NXPE2: variants seen among roughly 807,000 people sequenced by gnomAD.
NXPE2 encodes neurexophilin and PC-esterase domain family member 2.
Under a neutral mutation model 34.4 loss-of-function variants are expected in NXPE2, and 34 were observed. That is an observed-to-expected ratio of 0.99 (90% CI 0.75 to 1.31). NXPE2 has a LOEUF of 1.31. NXPE2 is among the 40% of genes most tolerant of loss of function. NXPE2 has a pLI of 0.00. For synonymous variants in NXPE2, 235 were observed against 231.3 expected (o/e 1.02, Z -0.15); for missense variants, 649 against 672.5 (o/e 0.97, Z 0.39).
the NXPE2 span, among the ~76,000 whole-genome samples, chr11:114,500,507 C>T: frequency 6.6e-6 from 1 of 152,176 alleles, no homozygotes; most frequent in South Asian, 2.1e-4. Context: ...GTGTTCTCCA[C>T]ATATTCTGGA....
chr11:114,531,152 A>C, the NXPE2 span, among the ~76,000 whole-genome samples: 56 of 151,894 alleles, frequency 3.7e-4, no homozygotes, highest in Non-Finnish European at 7.1e-4. Context: ...AAATTGTGAT[A>C]ATTTTGTATA....
the NXPE2 span, among the ~76,000 whole-genome samples, chr11:114,616,061 C>A: frequency 2.7e-5 from 4 of 150,600 alleles, no homozygotes; most frequent in African/African-American, 7.4e-5. Context: ...ATAAGTATTG[C>A]CTCATGGGTA....
chr11:114,575,739 T>A, the NXPE2 span, among the ~76,000 whole-genome samples: 1 of 152,170 alleles, frequency 6.6e-6, no homozygotes, highest in South Asian at 2.1e-4. Context: ...TGCTCATGGA[T>A]GGGTAGAATA....
chr11:114,538,747 CCA>C, the NXPE2 span, among the ~76,000 whole-genome samples: 1 of 152,014 alleles, frequency 6.6e-6, no homozygotes, highest in South Asian at 2.1e-4. Context: ...CCATCTCACA[CCA>C]GTTAGAATGG....
the NXPE2 span, among the ~76,000 whole-genome samples, chr11:114,564,600 G>T: frequency 6.6e-6 from 1 of 152,150 alleles, no homozygotes; most frequent in African/African-American, 2.4e-5. Flanking sequence ...ACAGAGAGGG[G>T]GTGGTTGAGT....
At chr11:114,530,140 G>A in the NXPE2 span, 2 of 1,549,894 alleles carry the variant, frequency 1.3e-6, no homozygotes, top group African/African-American at 2.7e-5. Context: ...ACTTCTCAGG[G>A]GACACTTCTC....
At chr11:114,519,356 A>G in the NXPE2 span, among the ~76,000 whole-genome samples, 1 of 152,142 alleles carries the variant, frequency 6.6e-6, no homozygotes, top group Non-Finnish European at 1.5e-5. Flanking sequence ...TAGATTCTGG[A>G]GCTTTCTAAA....
the NXPE2 span, among the ~76,000 whole-genome samples, chr11:114,779,393 C>T: frequency 6.7e-6 from 1 of 149,072 alleles, no homozygotes; most frequent in African/African-American, 2.5e-5. Context: ...CTCAGGTGCA[C>T]CTGGGAAGGG....
chr11:114,693,387 T>C (rs1951188704), intron 2 of NXPE2, among the ~76,000 whole-genome samples: 1 of 152,142 alleles, frequency 6.6e-6, no homozygotes, highest in East Asian at 1.9e-4. Flanking sequence ...CAACTCTGAG[T>C]TTAGCATGTG....
the NXPE2 span, chr11:114,570,926 CT>C: frequency 1.5e-5 from 23 of 1,541,304 alleles, no homozygotes; most frequent in South Asian, 2.8e-4. Flanking sequence ...GAATTTCAGA[CT>C]TTTGTGTTAT....
the NXPE2 span, among the ~76,000 whole-genome samples, chr11:114,782,556 C>T: frequency 6.6e-6 from 1 of 152,182 alleles, no homozygotes; most frequent in African/African-American, 2.4e-5. Flanking sequence ...TATGAAGACT[C>T]CAGGAGAGAT....
the NXPE2 span, among the ~76,000 whole-genome samples, chr11:114,765,357 T>C: frequency 6.6e-6 from 1 of 152,232 alleles, no homozygotes; most frequent in Non-Finnish European, 1.5e-5. Flanking sequence ...ACAGGTGCCA[T>C]TTTTCCAACA....
the NXPE2 span, among the ~76,000 whole-genome samples, chr11:114,595,398 G>T: frequency 3.3e-5 from 5 of 151,870 alleles, no homozygotes; most frequent in African/African-American, 1.2e-4. Flanking sequence ...TTTTAACTTG[G>T]AACTTTAAAC....
At chr11:114,744,858 A>T in the NXPE2 span, among the ~76,000 whole-genome samples, 1 of 152,218 alleles carries the variant, frequency 6.6e-6, no homozygotes, top group Admixed American at 6.5e-5. Flanking sequence ...AGGCATGTTT[A>T]TCATTACAAT....
the NXPE2 span, among the ~76,000 whole-genome samples, chr11:114,620,164 A>G: frequency 6.7e-6 from 1 of 149,262 alleles, no homozygotes; most frequent in East Asian, 2.0e-4. Flanking sequence ...GATGATAAAT[A>G]TTGCCTCATG....
the NXPE2 span, among the ~76,000 whole-genome samples, chr11:114,799,009 T>C: frequency 6.6e-6 from 1 of 152,194 alleles, no homozygotes; most frequent in Non-Finnish European, 1.5e-5. Context: ...CTTTTGCCTT[T>C]TGTTGCCAAA....
At chr11:114,723,786 G>GT in the NXPE2 span, among the ~76,000 whole-genome samples, 1 of 152,222 alleles carries the variant, frequency 6.6e-6, no homozygotes, top group Middle Eastern at 3.4e-3. Flanking sequence ...AAATGATGTA[G>GT]TTTTTCCTTC....
At chr11:114,540,621 T>C in the NXPE2 span, among the ~76,000 whole-genome samples, 24,844 of 151,914 alleles carry the variant, frequency 0.16, 2,280 homozygotes, top group South Asian at 0.23. Flanking sequence ...ACCAAGTAAC[T>C]TGTGACTCTC....
intron 2 of NXPE2, among the ~76,000 whole-genome samples, chr11:114,697,255 G>A (rs913261067): frequency 1.3e-5 from 2 of 152,072 alleles, no homozygotes; most frequent in Non-Finnish European, 2.9e-5. Context: ...GTCCTTTTAC[G>A]AGAAGAAAAG....
Sources: gnomAD v4.1 joint callset for allele counts (sites outside exome capture counted in the v4.1 genomes callset) on GRCh38, gnomAD v4.1.1 for gene constraint, MANE v1.5 for transcripts, NCBI Gene and HGNC (gene_info 2026-07-23, HGNC 2026-07-21) for gene names.